SNX27: variants seen among roughly 807,000 people sequenced by gnomAD.
SNX27 encodes sorting nexin-27.
A neutral mutation model predicts 71.6 loss-of-function variants in SNX27; 22 were observed. The observed-to-expected ratio is 0.31, with a 90% CI of 0.22 to 0.44. The LOEUF (loss-of-function observed/expected upper bound fraction) is 0.44. SNX27 is among the 20% of genes least tolerant of loss of function. The pLI is 1.00. For missense variants in SNX27, 531 were observed against 698.6 expected (o/e 0.76, Z 2.70); for synonymous variants, 269 against 277.2 (o/e 0.97, Z 0.29).
rs562121444 is a variant in SNX27 at position 151,619,493 on chromosome 1, G to T, written c.311+6981G>T. ...TTTTTGTATTTTTTGTAGAGACAGG[G>T]TTTCACCATGTTGCCCAGGCTGGTC... On this transcript the variant is annotated intron_variant, in intron 1 of 11. Transcript: ENST00000458013. 1.3e-4 allele frequency among the ~76,000 whole-genome samples: 20 copies of T among 152,252 alleles called. No homozygotes were observed. In the South Asian group the frequency reaches 4.1e-3, roughly 32 times the overall value.
chr1:151,643,318 G>A (rs904534914), intron 2 of SNX27, among the ~76,000 whole-genome samples: 3 of 128,720 alleles, frequency 2.3e-5, no homozygotes, highest in Non-Finnish European at 5.0e-5. Flanking sequence ...ATTTTGAGAC[G>A]GAGTCTCCCT....
intron 1 of SNX27, among the ~76,000 whole-genome samples, chr1:151,615,142 A>T (rs1389285971): frequency 1.3e-5 from 2 of 152,184 alleles, no homozygotes; most frequent in African/African-American, 4.8e-5. Flanking sequence ...TGGGCAGGGG[A>T]AAAGAATACT....
At chr1:151,682,621 A>G (rs1448887193) in intron 7 of SNX27, among the ~76,000 whole-genome samples, 2 of 152,188 alleles carry the variant, frequency 1.3e-5, no homozygotes, top group Non-Finnish European at 2.9e-5. Context: ...ACAGTTTCGC[A>G]TGGCTTGGGA....
chr1:151,691,466 G>T (rs1304754113), intron 8 of SNX27, among the ~76,000 whole-genome samples: 18 of 132,594 alleles, frequency 1.4e-4, no homozygotes, highest in Middle Eastern at 3.9e-3. Context: ...TGTTTTTCTG[G>T]TTTTTTTTTT....
At chr1:151,683,256 A>G (rs759838399) in intron 7 of SNX27, 100 bp from the exon 8 acceptor site, 134 of 875,086 alleles carry the variant, frequency 1.5e-4, no homozygotes, top group Non-Finnish European at 2.3e-4. Flanking sequence ...CCAAGTGGAT[A>G]AGAGATTTTC....
intron 1 of SNX27, among the ~76,000 whole-genome samples, chr1:151,635,588 C>T (rs1030447300): frequency 6.6e-6 from 1 of 152,118 alleles, no homozygotes; most frequent in African/African-American, 2.4e-5. Flanking sequence ...GTGAAGACCT[C>T]TTAATTCTTC....
rs1211334586 is a variant in SNX27, at chr1:151,697,728, T to C, written c.*3311T>C. On this transcript the variant is annotated 3_prime_UTR_variant, in exon 12 of 12. Transcript: ENST00000458013. Reference sequence around the variant, plus strand: ...TGCACTTCCTTTCTGTAATCCCTACTGTTCTTCTTAGTCCCAGCTTCTGCC... The same window carrying C: ...TGCACTTCCTTTCTGTAATCCCTACCGTTCTTCTTAGTCCCAGCTTCTGCC... 1 of 152,836 alleles carries C rather than the reference T, an allele frequency of 6.5e-6. No homozygotes were observed. Among genetic ancestry groups the C allele is most frequent in the Admixed American group, 6.5e-5 (1 of 15,282 alleles). 9.5% of individuals were successfully genotyped at this position (152,836 alleles called of 1,614,324 possible). A position where few individuals can be genotyped will look rare whatever the true frequency, so the allele number is the denominator to read the frequency against.
chr1:151,662,538 A>G (rs1031547117), intron 5 of SNX27: 6 of 207,680 alleles, frequency 2.9e-5, no homozygotes, highest in Non-Finnish European at 6.0e-5. Context: ...GCTGGAGTGC[A>G]GTGGCGCAAT....
chr1:151,649,495 A>G (rs1571813369), intron 2 of SNX27, among the ~76,000 whole-genome samples: 1 of 152,024 alleles, frequency 6.6e-6, no homozygotes, highest in East Asian at 1.9e-4. Flanking sequence ...AGGCAGGAGG[A>G]TCACTTCAAC....
chr1:151,674,039 G>A (rs901041577), intron 7 of SNX27, among the ~76,000 whole-genome samples: 14 of 151,990 alleles, frequency 9.2e-5, no homozygotes, highest in Non-Finnish European at 1.3e-4. Context: ...TTTGCATTCA[G>A]TGTTCCTATT....
chr1:151,696,420 C>G lies in SNX27; in HGVS notation c.*2003C>G, dbSNP rs1671708681. The G allele has an allele frequency of 6.6e-6, 1 of 151,952 alleles. No individual in the cohort carries two copies. Among genetic ancestry groups the G allele is most frequent in the Admixed American group, 6.6e-5 (1 of 15,254 alleles). 9.4% of individuals were successfully genotyped at this position (151,952 alleles called of 1,614,324 possible). ...CAGTGTTGGGGTGGTTGGAAAGTCTCTTTTTTGTAATTTGTTTTTGCAAAT... is the reference window on the plus strand; with the variant it reads ...CAGTGTTGGGGTGGTTGGAAAGTCTGTTTTTTGTAATTTGTTTTTGCAAAT... On this transcript the variant is annotated 3_prime_UTR_variant, in exon 12 of 12. Coordinates refer to ENST00000458013, the MANE Select transcript of SNX27 (RefSeq NM_001330723.2).
chr1:151,675,621 C>CAG (rs1405613947), intron 7 of SNX27, among the ~76,000 whole-genome samples: 2 of 150,364 alleles, frequency 1.3e-5, no homozygotes. Context: ...TCCTGGGCTC[C>CAG]AGCAATCCTC....
rs1667251038 is a variant in SNX27 at position 151,612,869 on chromosome 1, C to T, written c.311+357C>T. Among the ~76,000 whole-genome samples the T allele has an allele frequency of 6.6e-6, 1 of 152,138 alleles. No homozygotes were observed. The highest frequency in any genetic ancestry group is 6.5e-5 in the Admixed American group (1 of 15,278). On this transcript the variant is annotated intron_variant, in intron 1 of 11. Transcript: ENST00000458013. This position sits in a 1 kb window ranked among gnomAD's most constrained non-coding sequence, Gnocchi z 5.2. ...CCCTCGTCTTGCTCAGAAGGAACCT[C>T]ATCTGCTCCTTACTGACGGCGTTTC... is the stretch of plus-strand genomic sequence containing the variant.
chr1:151,616,313 G>A (rs1393532859), intron 1 of SNX27, among the ~76,000 whole-genome samples: 1 of 152,164 alleles, frequency 6.6e-6, no homozygotes, highest in Non-Finnish European at 1.5e-5. Flanking sequence ...GCTGCTGGAA[G>A]GTTTTAGTGT....
intron 6 of SNX27, among the ~76,000 whole-genome samples, chr1:151,668,199 C>T (rs1431670172): frequency 1.3e-5 from 2 of 152,072 alleles, no homozygotes; most frequent in Non-Finnish European, 2.9e-5. Flanking sequence ...ATGAACTTTG[C>T]GGGGTGACAA....
intron 7 of SNX27, among the ~76,000 whole-genome samples, chr1:151,673,455 T>C (rs1670533583): frequency 6.6e-6 from 1 of 152,206 alleles, no homozygotes; most frequent in African/African-American, 2.4e-5. Context: ...TATGGTCTGC[T>C]CTTGAGAATG....
At chr1:151,655,038 G>T (rs1036720310) in intron 2 of SNX27, among the ~76,000 whole-genome samples, 1 of 151,880 alleles carries the variant, frequency 6.6e-6, no homozygotes, top group South Asian at 2.1e-4. Context: ...TTTTTGATTG[G>T]ATATTGTATA....
chr1:151,631,257 C>G (rs1571778251), intron 1 of SNX27, among the ~76,000 whole-genome samples: 1 of 152,110 alleles, frequency 6.6e-6, no homozygotes, highest in East Asian at 1.9e-4. Flanking sequence ...AAGGAAGTGT[C>G]TCTCTTCTCA....
rs1013240163 is a variant in SNX27 at position 151,695,836 on chromosome 1, G to A, written c.*1419G>A. On this transcript the variant is annotated 3_prime_UTR_variant, in exon 12 of 12. Coordinates refer to ENST00000458013, the MANE Select transcript of SNX27 (RefSeq NM_001330723.2). ...AAAGCAAGAAATGCCCTATGTACAT[G>A]AGGTTTTACCTCCTCCATTCCTGAC... 6.6e-6 allele frequency: 1 copy of A among 152,206 alleles called. No individual in the cohort carries two copies. Among genetic ancestry groups the A allele is most frequent in the Non-Finnish European group, 1.5e-5 (1 of 68,056 alleles). The allele number at this position is 152,206 out of a possible 1,614,324, so 9.4% of individuals were successfully genotyped here.
Sources: allele counts gnomAD v4.1 joint callset (sites outside exome capture counted in the v4.1 genomes callset), GRCh38; gene constraint gnomAD v4.1.1; non-coding constraint Gnocchi (gnomAD v3.1); transcripts MANE v1.5; gene names NCBI Gene and HGNC (gene_info 2026-07-23, HGNC 2026-07-21).